The following RBMS3 variants were observed in gnomAD, a reference collection of about 807,000 sequenced individuals.
The protein encoded by RBMS3 is RNA binding motif single stranded interacting protein 3, also known as RNA-binding motif, single-stranded-interacting protein 3.
Under a neutral mutation model 66.8 loss-of-function variants are expected in RBMS3, and 27 were observed. The observed-to-expected ratio is 0.40, with a 90% CI of 0.30 to 0.56. The LOEUF is 0.56. Among genes scored for constraint, RBMS3 ranks in the 20% least tolerant of loss-of-function variants. RBMS3 has a pLI of 0.40. For missense variants in RBMS3, 513 were observed against 549.5 expected (o/e 0.93, Z 0.66); for synonymous variants, 188 against 183.0 (o/e 1.03, Z -0.22).
chr3:29,764,517 G>T (rs1161847656), intron 6 of RBMS3, among the ~76,000 whole-genome samples: 3 of 151,796 alleles, frequency 2.0e-5, no homozygotes, highest in Non-Finnish European at 2.9e-5. Flanking sequence ...TTATATAGAA[G>T]TTGTTCAAAC....
chr3:29,474,920 A>G (rs886945397), intron 2 of RBMS3, among the ~76,000 whole-genome samples: 1 of 152,142 alleles, frequency 6.6e-6, no homozygotes, highest in African/African-American at 2.4e-5. Context: ...CACACTGGGG[A>G]GTGATGGAAA....
At chr3:29,973,208 T>C (rs1194406347) in intron 12 of RBMS3, among the ~76,000 whole-genome samples, 3 of 151,986 alleles carry the variant, frequency 2.0e-5, no homozygotes, top group African/African-American at 7.2e-5. Flanking sequence ...CAGACTAATA[T>C]GGCAAAAAGA....
intron 12 of RBMS3, among the ~76,000 whole-genome samples, chr3:29,961,000 A>T (rs1403496663): frequency 2.6e-5 from 4 of 152,132 alleles, no homozygotes; most frequent in Non-Finnish European, 5.9e-5. Context: ...CTCATTACTT[A>T]TGCAATTTTC....
intron 2 of RBMS3, among the ~76,000 whole-genome samples, chr3:29,487,451 T>C (rs1192117338): frequency 6.6e-6 from 1 of 152,206 alleles, no homozygotes; most frequent in East Asian, 1.9e-4. Flanking sequence ...CAAATAACTT[T>C]ACATGTCAAT....
intron 7 of RBMS3, among the ~76,000 whole-genome samples, chr3:29,878,946 G>GCTGA (rs1442671681): frequency 8.5e-5 from 13 of 152,110 alleles, no homozygotes; most frequent in Non-Finnish European, 1.8e-4. Flanking sequence ...TACTGAGGAG[G>GCTGA]CTGAGGCAGG....
At chr3:29,352,871 T>A (rs985300257) in intron 1 of RBMS3, among the ~76,000 whole-genome samples, 4 of 151,962 alleles carry the variant, frequency 2.6e-5, no homozygotes, top group Non-Finnish European at 4.4e-5. Context: ...CCTATTTTAC[T>A]TAACATAGTG....
chr3:29,606,166 G>A (rs1481701709), intron 4 of RBMS3, among the ~76,000 whole-genome samples: 1 of 151,748 alleles, frequency 6.6e-6, no homozygotes, highest in Non-Finnish European at 1.5e-5. Context: ...AAATTAAATA[G>A]GGGATGGCTG....
At chr3:29,980,917 C>A (rs1418354135) in intron 12 of RBMS3, among the ~76,000 whole-genome samples, 5 of 151,984 alleles carry the variant, frequency 3.3e-5, no homozygotes, top group African/African-American at 1.2e-4. Context: ...TATGCAGGCT[C>A]TTTTTTTGTT....
intron 3 of RBMS3, among the ~76,000 whole-genome samples, chr3:29,562,600 C>T (rs1021976299): frequency 2.6e-5 from 4 of 152,008 alleles, no homozygotes; most frequent in Admixed American, 1.3e-4. Flanking sequence ...ATTTTCCCTT[C>T]GATATACTTG....
chr3:29,586,783 T>A (rs966169860), intron 3 of RBMS3, among the ~76,000 whole-genome samples: 1 of 152,138 alleles, frequency 6.6e-6, no homozygotes, highest in Non-Finnish European at 1.5e-5. Context: ...GCACTTTGTG[T>A]ACCTCACTTT....
At chr3:29,926,646 G>A (rs185929913) in intron 10 of RBMS3, among the ~76,000 whole-genome samples, 3 of 152,248 alleles carry the variant, frequency 2.0e-5, no homozygotes, top group African/African-American at 7.2e-5. Context: ...GAAGTTTTAT[G>A]ACAGCTCACA....
intron 4 of RBMS3, among the ~76,000 whole-genome samples, chr3:29,651,937 A>G (rs1009275986): frequency 2.0e-5 from 3 of 152,164 alleles, no homozygotes; most frequent in African/African-American, 4.8e-5. Context: ...TGCAGAATAC[A>G]TGGTAGTTTT....
At chr3:29,951,594 C>T (rs1035093783) in intron 12 of RBMS3, among the ~76,000 whole-genome samples, 1 of 151,678 alleles carries the variant, frequency 6.6e-6, no homozygotes, top group Admixed American at 6.6e-5. Flanking sequence ...TTGAAGCTTC[C>T]TTTCTGCTTC....
At chr3:29,509,529 G>A (rs926299210) in intron 3 of RBMS3, among the ~76,000 whole-genome samples, 1 of 152,120 alleles carries the variant, frequency 6.6e-6, no homozygotes, top group African/African-American at 2.4e-5. Flanking sequence ...TATAAATTCA[G>A]GTCTGCTTTG....
intron 3 of RBMS3, among the ~76,000 whole-genome samples, chr3:29,526,682 T>C (rs986356620): frequency 6.6e-6 from 1 of 152,108 alleles, no homozygotes; most frequent in African/African-American, 2.4e-5. Flanking sequence ...TAAAATTTGC[T>C]GGACAGCTAA....
intron 4 of RBMS3, among the ~76,000 whole-genome samples, chr3:29,707,551 A>C (rs2149300961): frequency 6.6e-6 from 1 of 152,332 alleles, no homozygotes; most frequent in Admixed American, 6.5e-5. Context: ...TGACAAGAAA[A>C]ACCACCAAAT....
At chr3:29,551,274 A>G (rs1329178369) in intron 3 of RBMS3, among the ~76,000 whole-genome samples, 1 of 152,214 alleles carries the variant, frequency 6.6e-6, no homozygotes, top group East Asian at 1.9e-4. Flanking sequence ...ATCCTATTAA[A>G]AAGAGGATTT....
chr3:29,617,713 AG>A (rs1307932676), intron 4 of RBMS3, among the ~76,000 whole-genome samples: 1 of 152,220 alleles, frequency 6.6e-6, no homozygotes, highest in Non-Finnish European at 1.5e-5. Flanking sequence ...ATAAGACTAT[AG>A]TACCTTCATT....
At chr3:29,726,832 A>G (rs1362030778) in intron 4 of RBMS3, among the ~76,000 whole-genome samples, 1 of 152,212 alleles carries the variant, frequency 6.6e-6, no homozygotes, top group East Asian at 1.9e-4. Context: ...TTAAGCTACG[A>G]TTGACTTTCT....
Sources: allele counts gnomAD v4.1 joint callset (sites outside exome capture counted in the v4.1 genomes callset), GRCh38; gene constraint gnomAD v4.1.1; transcripts MANE v1.5; gene names NCBI Gene and HGNC (gene_info 2026-07-23, HGNC 2026-07-21).